Variants in CDH20 observed in about 807,000 individuals in gnomAD.
CDH20 encodes cadherin 20.
CDH20 carries 29 observed loss-of-function variants against 74.2 expected under a neutral mutation model. The observed-to-expected ratio is 0.39, with a 90% confidence interval of 0.29 to 0.53. The LOEUF is 0.53. CDH20 is among the 20% of genes least tolerant of loss of function. CDH20 has a pLI of 0.69. For synonymous variants in CDH20, 469 were observed against 405.4 expected (o/e 1.16, Z -1.88); for missense variants, 988 against 1,048.3 (o/e 0.94, Z 0.79).
chr18:61,464,336 A>G (rs573297285), intron 1 of CDH20, among the ~76,000 whole-genome samples: 3 of 152,042 alleles, frequency 2.0e-5, no homozygotes, highest in African/African-American at 7.2e-5. Flanking sequence ...AAGTTAACAT[A>G]TTGCACAATT....
At chr18:61,486,748 G>A (rs1472464769) in intron 1 of CDH20, among the ~76,000 whole-genome samples, 1 of 152,098 alleles carries the variant, frequency 6.6e-6, no homozygotes, top group South Asian at 2.1e-4. Flanking sequence ...AAAGGCATTA[G>A]GCCACATCAG....
chr18:61,549,768 G>A (rs1913368707), intron 10 of CDH20: 1 of 571,660 alleles, frequency 1.7e-6, no homozygotes, highest in Non-Finnish European at 3.1e-6. Flanking sequence ...TCTCTTCTTA[G>A]GCCTCAGGGT....
At chr18:61,500,571 C>G in intron 4 of CDH20, 69 bp downstream of exon 4, 1 of 1,494,552 alleles carries the variant, frequency 6.7e-7, no homozygotes, top group Non-Finnish European at 9.1e-7. Context: ...CTATGACAGA[C>G]CCAACTCTCC....
intron 4 of CDH20, among the ~76,000 whole-genome samples, chr18:61,501,174 G>A (rs960914987): frequency 3.3e-5 from 5 of 152,172 alleles, no homozygotes; most frequent in Non-Finnish European, 7.4e-5. Context: ...GGACATCAGA[G>A]AGAACTGAAT....
At chr18:61,401,038 G>A (rs2144225597) in intron 1 of CDH20, among the ~76,000 whole-genome samples, 1 of 152,286 alleles carries the variant, frequency 6.6e-6, no homozygotes, top group East Asian at 1.9e-4. Flanking sequence ...GCCCTCCCTG[G>A]AATATCTCCT....
chr18:61,488,715 T>TGTTTTTTG (rs71178974), intron 1 of CDH20, among the ~76,000 whole-genome samples: 14 of 149,392 alleles, frequency 9.4e-5, no homozygotes, highest in Middle Eastern at 6.9e-3. Context: ...GTGGCTTTTT[T>TGTTTTTTG]TTTGTTTGTT....
At position 61,486,959 on chromosome 18, in the gene CDH20, CA is replaced by C. The variant is rs1291564370; in HGVS notation, c.-152-3442del. ...GGAGAAAGCAGTAACCATCCCTCCC[CA>C]CTACATTTTAAATATCACAACGAAT... is the stretch of plus-strand genomic sequence containing the variant. On this transcript the variant is annotated intron_variant, in intron 1 of 11. Coordinates refer to ENST00000262717, the MANE Select transcript of CDH20 (RefSeq NM_031891.4). 2.0e-5 allele frequency among the ~76,000 whole-genome samples: 3 copies of C among 152,190 alleles called. No homozygotes were observed. In the East Asian group the frequency reaches 5.8e-4, roughly 29 times the overall value.
At chr18:61,549,893 C>T in intron 10 of CDH20, 85 bp from the exon 11 acceptor site, 7 of 1,406,978 alleles carry the variant, frequency 5.0e-6, no homozygotes, top group Non-Finnish European at 6.9e-6. Flanking sequence ...CCTTCCTACA[C>T]CCTGCCCCTG....
chr18:61,360,539 G>T (rs964676909), intron 1 of CDH20, among the ~76,000 whole-genome samples: 5 of 152,172 alleles, frequency 3.3e-5, no homozygotes, highest in Non-Finnish European at 5.9e-5. Flanking sequence ...GAGGGGAGGG[G>T]AGGGTAGGGG....
intron 1 of CDH20, among the ~76,000 whole-genome samples, chr18:61,421,949 A>T (rs1249191623): frequency 6.6e-6 from 1 of 152,180 alleles, no homozygotes; most frequent in Admixed American, 6.5e-5. Context: ...CATTTTCAAT[A>T]ACGCTCATAT....
At chr18:61,415,190 A>G (rs1462767119) in intron 1 of CDH20, among the ~76,000 whole-genome samples, 3 of 152,102 alleles carry the variant, frequency 2.0e-5, no homozygotes. Context: ...TTAGCTCCCT[A>G]TTTTCAATTA....
intron 9 of CDH20, among the ~76,000 whole-genome samples, chr18:61,543,866 G>T (rs188825039): frequency 9.9e-4 from 150 of 152,248 alleles, no homozygotes; most frequent in African/African-American, 3.1e-3. Flanking sequence ...TGAAATATTG[G>T]GCCAGTGATG....
At chr18:61,427,171 G>C (rs1913100584) in intron 1 of CDH20, among the ~76,000 whole-genome samples, 1 of 152,056 alleles carries the variant, frequency 6.6e-6, no homozygotes, top group Non-Finnish European at 1.5e-5. Flanking sequence ...ACTTCCCTAA[G>C]TCTGTTTTTC....
At chr18:61,404,049 G>A (rs1912243525) in intron 1 of CDH20, among the ~76,000 whole-genome samples, 1 of 152,182 alleles carries the variant, frequency 6.6e-6, no homozygotes, top group Non-Finnish European at 1.5e-5. Flanking sequence ...CATGGACACA[G>A]GGAGGGGAAG....
intron 6 of CDH20, 37 bp from the exon 7 acceptor site, chr18:61,527,930 T>A: frequency 1.9e-6 from 3 of 1,610,188 alleles, no homozygotes; most frequent in Non-Finnish European, 2.5e-6. Context: ...ATCTTGAACC[T>A]CAGTGGCGAA....
At chr18:61,389,054 C>T (rs1911689226) in intron 1 of CDH20, among the ~76,000 whole-genome samples, 1 of 152,124 alleles carries the variant, frequency 6.6e-6, no homozygotes, top group Non-Finnish European at 1.5e-5. Flanking sequence ...AGGGTCCCCT[C>T]ACAGCAAAAT....
At position 61,346,717 on chromosome 18, in the gene CDH20, G is replaced by T. The variant is rs139770195; in HGVS notation, c.-153+12890G>T. 3.9e-3 allele frequency among the ~76,000 whole-genome samples: 600 copies of T among 152,290 alleles called. 4 individuals are homozygous for T. Among genetic ancestry groups the T allele is most frequent in the African/African-American group, 0.012 (514 of 41,570 alleles). ...CTACACTAATTGAGAGAACAGAAGA[G>T]GTCGGGATTGTGTGAAATTGTAAAT... On this transcript the variant is annotated intron_variant, in intron 1 of 11. Coordinates refer to ENST00000262717, the MANE Select transcript of CDH20 (RefSeq NM_031891.4).
intron 9 of CDH20, among the ~76,000 whole-genome samples, chr18:61,543,372 T>C (rs973222078): frequency 1.3e-5 from 2 of 152,060 alleles, no homozygotes; most frequent in Non-Finnish European, 2.9e-5. Flanking sequence ...CCAAGATGGG[T>C]AGGAATAGTC....
rs1912822879 is a variant in CDH20, at chr18:61,536,508, A to C, written c.1287A>C (p.Arg429Ser). 3.7e-6 allele frequency: 6 copies of C among 1,613,746 alleles called. No homozygotes were observed. Among genetic ancestry groups the C allele is most frequent in the Non-Finnish European group, 4.2e-6 (5 of 1,179,694 alleles). The stretch of plus-strand genomic sequence containing the variant: ...GTTTCTGCAGATACTCCATTGATAG[A>C]AGCAGTGACCCTGGAAGATTTTTCT... ...TNNSIRYSID[R>S]SSDPGRFFYV... The change falls in exon 8 of 12, where the codon AGA becomes AGC. Residue 429 changes from arginine to serine, a missense_variant. Physicochemically the swap from Arg to Ser is moderately radical, Grantham distance 110. Transcript: ENST00000262717.
Sources: allele counts gnomAD v4.1 joint callset (sites outside exome capture counted in the v4.1 genomes callset), GRCh38; gene constraint gnomAD v4.1.1; transcripts MANE v1.5; gene names NCBI Gene and HGNC (gene_info 2026-07-23, HGNC 2026-07-21).